Variants in PTPRM observed in about 807,000 individuals in gnomAD.
PTPRM encodes protein tyrosine phosphatase receptor type M.
PTPRM carries 47 observed loss-of-function variants against 186.7 expected under a neutral mutation model. That is an observed-to-expected ratio of 0.25 (90% CI 0.20 to 0.32). The LOEUF is 0.32. Among genes scored for constraint, PTPRM ranks in the 10% least tolerant of loss-of-function variants. The pLI, the probability that PTPRM is intolerant of heterozygous loss-of-function variation, is 1.00. For synonymous variants in PTPRM, 668 were observed against 674.9 expected (o/e 0.99, Z 0.16); for missense variants, 1,494 against 1,865.0 (o/e 0.80, Z 3.66).
intron 3 of PTPRM, among the ~76,000 whole-genome samples, chr18:7,896,500 G>C (rs1040067748): frequency 1.3e-5 from 2 of 151,658 alleles, no homozygotes; most frequent in Non-Finnish European, 1.5e-5. Context: ...ATAAATGGTT[G>C]CTTTAAAAAG....
intron 19 of PTPRM, among the ~76,000 whole-genome samples, chr18:8,273,543 T>C (rs2094797635): frequency 6.6e-6 from 1 of 152,196 alleles, no homozygotes; most frequent in African/African-American, 2.4e-5. Flanking sequence ...GCCAGGTCCA[T>C]GCATCTTCCT....
In PTPRM at chr18:7,905,151, G is replaced by A. The variant is rs754694209; in HGVS notation, c.469-1354G>A. On this transcript the variant is annotated intron_variant, in intron 3 of 32. Transcript: ENST00000580170. ...TGGGATTACAGGCGTATGCCACCAC[G>A]TCCACCTAATTTTTGTATTTTTAGT... Among the ~76,000 whole-genome samples the A allele has an allele frequency of 3.3e-5, 5 of 151,996 alleles. No homozygotes were observed. The East Asian group carries it at 5.8e-4, about 18-fold the overall frequency.
chr18:7,813,871 A>G (rs1395624080), intron 2 of PTPRM, among the ~76,000 whole-genome samples: 1 of 151,968 alleles, frequency 6.6e-6, no homozygotes, highest in Non-Finnish European at 1.5e-5. Flanking sequence ...TTTAGACCAA[A>G]TGTTGTTTTT....
intron 1 of PTPRM, among the ~76,000 whole-genome samples, chr18:7,749,639 G>A (rs1444021346): frequency 6.6e-6 from 1 of 152,190 alleles, no homozygotes; most frequent in Non-Finnish European, 1.5e-5. Context: ...GAGCCGATCA[G>A]TGTGAGGAGG....
chr18:7,586,349 G>A (rs1041194069), intron 1 of PTPRM, among the ~76,000 whole-genome samples: 4 of 152,268 alleles, frequency 2.6e-5, no homozygotes, highest in Admixed American at 2.0e-4. Flanking sequence ...CAATGAGGTG[G>A]CAGGACTAAG....
At chr18:8,081,686 G>A (rs1396266468) in intron 9 of PTPRM, among the ~76,000 whole-genome samples, 1 of 152,148 alleles carries the variant, frequency 6.6e-6, no homozygotes, top group Non-Finnish European at 1.5e-5. Flanking sequence ...GAGTGCCCCT[G>A]CTGCCGAGAA....
intron 2 of PTPRM, among the ~76,000 whole-genome samples, chr18:7,796,126 C>T (rs552086271): frequency 4.6e-5 from 7 of 151,636 alleles, no homozygotes; most frequent in Admixed American, 2.0e-4. Context: ...AATTTGGACT[C>T]AAACACCACA....
intron 1 of PTPRM, among the ~76,000 whole-genome samples, chr18:7,677,526 A>G (rs1228718630): frequency 6.6e-6 from 1 of 152,252 alleles, no homozygotes; most frequent in East Asian, 1.9e-4. Flanking sequence ...GAAGGCCCTT[A>G]CTTCTCTGGT....
chr18:8,098,194 T>A (rs1180211044), intron 11 of PTPRM, among the ~76,000 whole-genome samples: 1 of 152,106 alleles, frequency 6.6e-6, no homozygotes, highest in Non-Finnish European at 1.5e-5. Flanking sequence ...TCAGAATATA[T>A]CCCCATCATT....
Position 8,386,757 on chromosome 18 carries a change from A to G in PTPRM, c.4045-315A>G, listed in dbSNP as rs77475910. On this transcript the variant is annotated intron_variant, in intron 30 of 32. Transcript: ENST00000580170. ...CTGTAATTTACCTGTAATTGAAGTT[A>G]TTTTACCACTTAACATGACAATGTG... Among the ~76,000 whole-genome samples the G allele has an allele frequency of 1.4e-3, 211 of 152,230 alleles. 2 individuals are homozygous for G. In the East Asian group the frequency reaches 0.026, roughly 18 times the overall value.
In PTPRM at chr18:8,314,649, T is replaced by C. The variant is rs548681583; in HGVS notation, c.2843-132T>C. On this transcript the variant is annotated intron_variant, in intron 20 of 32. Coordinates refer to ENST00000580170, the MANE Select transcript of PTPRM (RefSeq NM_001105244.2). Reference sequence around the variant, plus strand: ...AAAATGGGAAGTAGAGGGTGTGTACTATTTAATTCTTTATCTTTAAAGCAG... The same window carrying C: ...AAAATGGGAAGTAGAGGGTGTGTACCATTTAATTCTTTATCTTTAAAGCAG... 16 of 555,460 alleles carry C rather than the reference T, an allele frequency of 2.9e-5. 1 individual carries two copies. In the East Asian group the frequency reaches 4.9e-4, roughly 17 times the overall value. The allele number at this position is 555,460 out of a possible 1,614,324, so 34.4% of individuals were successfully genotyped here.
intron 7 of PTPRM, among the ~76,000 whole-genome samples, chr18:8,024,561 TC>T (rs1279471332): frequency 6.6e-6 from 1 of 152,118 alleles, no homozygotes; most frequent in Non-Finnish European, 1.5e-5. Context: ...ATATGGGCAC[TC>T]AACTTATAGG....
chr18:8,085,772 T>C lies in PTPRM; in HGVS notation c.1653T>C (p.Phe551=). ...GAAATGAAACCCATTTTCTGTTTTT[T>C]GGACTGTATCCGGGGACCACATACT... ...KLGNETHFLF[F]GLYPGTTYSF... is the part of the protein sequence containing the mutation. Residue 551 remains phenylalanine (F), a synonymous_variant, in exon 10 of 33, where the codon TTT becomes TTC. Transcript: ENST00000580170. 6.2e-7 allele frequency: 1 copy of C among 1,613,470 alleles called. No individual in the cohort carries two copies. The highest frequency in any genetic ancestry group is 8.5e-7 in the Non-Finnish European group (1 of 1,179,522).
intron 1 of PTPRM, among the ~76,000 whole-genome samples, chr18:7,599,347 C>A (rs559176092): frequency 6.6e-6 from 1 of 152,154 alleles, no homozygotes; most frequent in Admixed American, 6.5e-5. Flanking sequence ...ATAGCTGAAC[C>A]GCTAAAGTTA....
intron 1 of PTPRM, among the ~76,000 whole-genome samples, chr18:7,760,733 G>A (rs57881458): frequency 0.04 from 6,042 of 152,280 alleles, 385 homozygotes; most frequent in African/African-American, 0.13. Context: ...ACACATATAT[G>A]CAGAATCACT....
At chr18:7,795,810 C>CTTTTTTTTTTTT (rs397741769) in intron 2 of PTPRM, among the ~76,000 whole-genome samples, 12 of 117,756 alleles carry the variant, frequency 1.0e-4, no homozygotes, top group Non-Finnish European at 1.8e-4. Flanking sequence ...TTCTTTCTTT[C>CTTTTTTTTTTTT]TTTTTTTTTT....
chr18:8,224,042 C>T (rs973477308), intron 14 of PTPRM, among the ~76,000 whole-genome samples: 1 of 152,132 alleles, frequency 6.6e-6, no homozygotes, highest in Non-Finnish European at 1.5e-5. Flanking sequence ...AAGTACAGTA[C>T]CTGCTTGGTA....
chr18:8,021,361 T>C (rs895692041), intron 7 of PTPRM, among the ~76,000 whole-genome samples: 27 of 144,184 alleles, frequency 1.9e-4, no homozygotes, highest in East Asian at 1.6e-3. Flanking sequence ...CACACACACA[T>C]ATAAATTTTA....
Position 8,253,248 on chromosome 18 carries a change from G to A in PTPRM, c.2588G>A (p.Ser863Asn). Reference protein sequence around the residue: ...PINDETHTMASDTSSLVQSHT... With the variant: ...PINDETHTMANDTSSLVQSHT... Reference sequence around the variant, plus strand: ...CTAGATGAAACCCACACAATGGCCAGCGATACCAGCAGCCTGGTGCAGTCC... The same window carrying A: ...CTAGATGAAACCCACACAATGGCCAACGATACCAGCAGCCTGGTGCAGTCC... Residue 863 changes from serine (S) to asparagine (N), a missense_variant, in exon 19 of 33, where the codon AGC (serine) becomes AAC (asparagine). Around this residue, in one of 3 missense-constraint regions of PTPRM, gnomAD observed 1,107 missense variants for 1,350.2 expected, o/e 0.82. Transcript: ENST00000580170. 6.5e-7 allele frequency: 1 copy of A among 1,532,950 alleles called. No homozygotes were observed. Among genetic ancestry groups the A allele is most frequent in the African/African-American group, 1.4e-5 (1 of 71,232 alleles). The allele number at this position is 1,532,950 out of a possible 1,614,324, so 95.0% of individuals were successfully genotyped here.
Sources: allele counts gnomAD v4.1 joint callset (sites outside exome capture counted in the v4.1 genomes callset), GRCh38; gene constraint gnomAD v4.1.1; regional missense constraint gnomAD v4.1.1; transcripts MANE v1.5; gene names NCBI Gene and HGNC (gene_info 2026-07-23, HGNC 2026-07-21).